The following SLC60A2 variants were observed in gnomAD, a reference collection of about 807,000 sequenced individuals.
The protein encoded by SLC60A2 is solute carrier family 60 member 2, also known as major facilitator superfamily domain containing 4B.
chr6:111,273,555 G>C, the SLC60A2 span, among the ~76,000 whole-genome samples: 1 of 149,844 alleles, frequency 6.7e-6, no homozygotes, highest in Non-Finnish European at 1.5e-5. Flanking sequence ...CTGATGAGAA[G>C]AATGTTTATT....
chr6:111,271,453 G>A, the SLC60A2 span, among the ~76,000 whole-genome samples: 2 of 151,898 alleles, frequency 1.3e-5, no homozygotes, highest in Non-Finnish European at 2.9e-5. Context: ...CCTAAGTAAA[G>A]GGTAAAAGGA....
chr6:111,276,520 T>C, the SLC60A2 span, among the ~76,000 whole-genome samples: 1 of 152,236 alleles, frequency 6.6e-6, no homozygotes, highest in Non-Finnish European at 1.5e-5. Context: ...GTTGGGCAAC[T>C]ACCTCAAAGT....
chr6:111,266,776 A>G, the SLC60A2 span: 3 of 1,614,152 alleles, frequency 1.9e-6, no homozygotes, highest in Non-Finnish European at 2.5e-6. Flanking sequence ...CCTGTGCTAT[A>G]TAAATTAGCC....
At chr6:111,264,484 A>G in the SLC60A2 span, among the ~76,000 whole-genome samples, 1 of 151,862 alleles carries the variant, frequency 6.6e-6, no homozygotes, top group Non-Finnish European at 1.5e-5. Flanking sequence ...TATCATCATC[A>G]TGTCTTTTAA....
chr6:111,266,382 T>C, the SLC60A2 span: 7 of 1,614,236 alleles, frequency 4.3e-6, no homozygotes, highest in Non-Finnish European at 4.2e-6. Context: ...GAACTCCATC[T>C]TCTGGGGGAC....
At chr6:111,279,261 C>CTTTTTTTTTT in the SLC60A2 span, among the ~76,000 whole-genome samples, 1 of 150,362 alleles carries the variant, frequency 6.7e-6, no homozygotes, top group Non-Finnish European at 1.5e-5. Flanking sequence ...CACTTTCTTT[C>CTTTTTTTTTT]TTTCTTTTTT....
the SLC60A2 span, chr6:111,266,598 C>T: frequency 6.2e-7 from 1 of 1,614,180 alleles, no homozygotes; most frequent in Non-Finnish European, 8.5e-7. Flanking sequence ...TTGGATTGAG[C>T]AGTACACGAC....
chr6:111,273,833 C>T, the SLC60A2 span, among the ~76,000 whole-genome samples: 50 of 152,226 alleles, frequency 3.3e-4, 1 homozygote, highest in African/African-American at 1.2e-3. Flanking sequence ...TCAAGTGATT[C>T]TCTTGCTTCA....
the SLC60A2 span, chr6:111,264,096 A>C: frequency 1.9e-6 from 1 of 531,896 alleles, no homozygotes; most frequent in Non-Finnish European, 3.4e-6. Context: ...TCACCCTTCT[A>C]GCAGCTATTC....
the SLC60A2 span, among the ~76,000 whole-genome samples, chr6:111,275,601 G>C: frequency 7.9e-5 from 12 of 151,916 alleles, no homozygotes; most frequent in Admixed American, 5.2e-4. Flanking sequence ...GTAAAAACAG[G>C]GTTTCACAAT....
At chr6:111,266,737 G>T in the SLC60A2 span, 89 of 1,614,020 alleles carry the variant, frequency 5.5e-5, no homozygotes, top group Non-Finnish European at 7.3e-5. Context: ...ACCTCTTTGG[G>T]AGCATCAATA....
the SLC60A2 span, chr6:111,266,469 A>T: frequency 1.5e-5 from 25 of 1,614,178 alleles, no homozygotes; most frequent in South Asian, 2.7e-4. Context: ...GTTGAGCAAC[A>T]TTGGCAGCCT....
chr6:111,263,384 C>T, the SLC60A2 span, among the ~76,000 whole-genome samples: 35 of 152,144 alleles, frequency 2.3e-4, no homozygotes, highest in African/African-American at 8.0e-4. Context: ...GTTGAAATAA[C>T]ATATTTCTTG....
the SLC60A2 span, chr6:111,266,896 A>T: frequency 6.2e-7 from 1 of 1,614,072 alleles, no homozygotes; most frequent in Non-Finnish European, 8.5e-7. Context: ...GAAGAGGAGG[A>T]TGCAGAAAAA....
At chr6:111,268,112 A>T in the SLC60A2 span, 2 of 152,238 alleles carry the variant, frequency 1.3e-5, no homozygotes, top group South Asian at 2.1e-4. Context: ...AGAAATTAGT[A>T]CAAGTGACAG....
the SLC60A2 span, chr6:111,265,902 T>TG: frequency 6.2e-7 from 1 of 1,612,056 alleles, no homozygotes; most frequent in Non-Finnish European, 8.5e-7. Context: ...CTTGGCTATT[T>TG]GGGGGGACAA....
At chr6:111,259,377 G>T in the SLC60A2 span, 1 of 358,250 alleles carries the variant, frequency 2.8e-6, no homozygotes, top group Non-Finnish European at 5.0e-6. Context: ...CCTGCGGCGT[G>T]CCGAAGTTCC....
the SLC60A2 span, chr6:111,259,500 G>A: frequency 3.9e-6 from 2 of 510,416 alleles, no homozygotes; most frequent in South Asian, 5.2e-5. Flanking sequence ...CTGCTGAGAA[G>A]CGCGGCGGCA....
At chr6:111,272,721 A>G in the SLC60A2 span, among the ~76,000 whole-genome samples, 2 of 151,934 alleles carry the variant, frequency 1.3e-5, no homozygotes, top group East Asian at 3.9e-4. Context: ...CATGTTGGTC[A>G]GGCTGGTCTC....
Sources: gnomAD v4.1 joint callset for allele counts (sites outside exome capture counted in the v4.1 genomes callset) on GRCh38, gnomAD v4.1.1 for gene constraint, MANE v1.5 for transcripts, NCBI Gene and HGNC (gene_info 2026-07-23, HGNC 2026-07-21) for gene names.